The following PERP variants were observed in gnomAD, a reference collection of about 807,000 sequenced individuals.
PERP encodes p53 apoptosis effector related to PMP22, also known as p53 apoptosis effector related to PMP-22.
Under a neutral mutation model 20.3 loss-of-function variants are expected in PERP, and 11 were observed. The observed-to-expected ratio is 0.54, with a 90% CI of 0.34 to 0.90. The LOEUF (loss-of-function observed/expected upper bound fraction) is 0.90, where lower values mean the gene tolerates loss of function less well. Among genes scored for constraint, PERP ranks in the 40% least tolerant of loss-of-function variants. The probability of loss-of-function intolerance (pLI) is 0.02; values close to 1 mark genes in which losing one functional copy is unlikely to be tolerated. For synonymous variants in PERP, 101 were observed against 102.0 expected, an observed-to-expected ratio of 0.99 and a Z score of 0.06; for missense variants, 224 against 249.4, an observed-to-expected ratio of 0.90 and a Z score of 0.69.
chr6:138,096,968 T>C (rs904844331), intron 1 of PERP, among the ~76,000 whole-genome samples: 1 of 152,312 alleles, frequency 6.6e-6, no homozygotes, highest in African/African-American at 2.4e-5. Flanking sequence ...GCAAAAATAA[T>C]CATTGAAAAA....
At chr6:138,103,123 C>T (rs1401675706) in intron 1 of PERP, among the ~76,000 whole-genome samples, 7 of 151,144 alleles carry the variant, frequency 4.6e-5, no homozygotes, top group African/African-American at 1.7e-4. Context: ...AATCTGTCTG[C>T]TAATGCCTAA....
chr6:138,098,566 G>A (rs375311678), intron 1 of PERP, among the ~76,000 whole-genome samples: 16 of 151,948 alleles, frequency 1.1e-4, no homozygotes, highest in East Asian at 5.8e-4. Context: ...TTCTACATTC[G>A]CAAGGTTCTG....
At chr6:138,094,120 A>G (rs1775636813) in intron 2 of PERP, among the ~76,000 whole-genome samples, 1 of 152,178 alleles carries the variant, frequency 6.6e-6, no homozygotes, top group African/African-American at 2.4e-5. Context: ...GATATTTTTT[A>G]TTCTGGTAAA....
chr6:138,107,154 C>G lies in PERP; in HGVS notation c.187G>C (p.Glu63Gln), dbSNP rs1218295397. ...QEGGGSGSYE[E>Q]GCQSLMEYAW... ...TACTCCATGAGGCTCTGACAGCCCT[C>G]CTCGTAGGACCCGCTGCCGCCGCCC... The change falls in exon 1 of 3, where the codon GAG becomes CAG. Residue 63 changes from glutamate to glutamine, a missense_variant. Transcript: ENST00000421351. This position sits in a 1 kb window ranked among gnomAD's most constrained non-coding sequence, Gnocchi z 4.8. The G allele has an allele frequency of 6.2e-7, 1 of 1,610,890 alleles. No homozygotes were observed. The highest frequency in any genetic ancestry group is 8.5e-7 in the Non-Finnish European group (1 of 1,179,088).
rs1350658459 is a variant in PERP at position 138,090,364 on chromosome 6, T to C, written c.*1678A>G. 1 of 151,774 alleles carries C rather than the reference T, an allele frequency of 6.6e-6. No individual in the cohort carries two copies. The highest frequency in any genetic ancestry group is 2.4e-5 in the African/African-American group (1 of 41,248). The allele number at this position is 151,774 out of a possible 1,614,324, so 9.4% of individuals were successfully genotyped here. A position where few individuals can be genotyped will look rare whatever the true frequency, so the allele number is the denominator to read the frequency against. ...TGGTGGGAAAAAAAATAACAAATGA[T>C]AAAATGGGAAGGAGGGCAAGGGGAA... On this transcript the variant is annotated 3_prime_UTR_variant, in exon 3 of 3. Coordinates refer to ENST00000421351, the MANE Select transcript of PERP (RefSeq NM_022121.5).
chr6:138,098,904 G>A (rs1228580337), intron 1 of PERP, among the ~76,000 whole-genome samples: 1 of 152,146 alleles, frequency 6.6e-6, no homozygotes, highest in African/African-American at 2.4e-5. Flanking sequence ...AGACTTGAGA[G>A]ATAAGGTTAA....
intron 1 of PERP, among the ~76,000 whole-genome samples, chr6:138,104,223 T>C (rs1463993538): frequency 6.6e-6 from 1 of 152,248 alleles, no homozygotes; most frequent in African/African-American, 2.4e-5. Context: ...ATTTTATTTA[T>C]AGGTGAAATT....
At chr6:138,105,118 G>C (rs1185571626) in intron 1 of PERP, among the ~76,000 whole-genome samples, 2 of 152,190 alleles carry the variant, frequency 1.3e-5, no homozygotes, top group Non-Finnish European at 2.9e-5. Flanking sequence ...TTTGATTCCA[G>C]ATCTTGAGCA....
chr6:138,099,896 T>C (rs1775746836), intron 1 of PERP, among the ~76,000 whole-genome samples: 1 of 152,228 alleles, frequency 6.6e-6, no homozygotes, highest in South Asian at 2.1e-4. Flanking sequence ...GTCTTGCTTA[T>C]TTAAAGTGCT....
chr6:138,105,605 T>C (rs1044516939), intron 1 of PERP, among the ~76,000 whole-genome samples: 10 of 152,224 alleles, frequency 6.6e-5, no homozygotes, highest in African/African-American at 2.2e-4. Context: ...GTTCTGCCAA[T>C]ATCCCCGCCA....
Position 138,091,836 on chromosome 6 carries a change from C to T in PERP, c.*206G>A. 3.9e-6 allele frequency: 2 copies of T among 518,722 alleles called. No individual in the cohort carries two copies. The highest frequency in any genetic ancestry group is 6.8e-6 in the Non-Finnish European group (2 of 293,034). The allele number at this position is 518,722 out of a possible 1,614,324, so 32.1% of individuals were successfully genotyped here. A position where few individuals can be genotyped will look rare whatever the true frequency, so the allele number is the denominator to read the frequency against. On this transcript the variant is annotated 3_prime_UTR_variant, in exon 3 of 3. Coordinates refer to ENST00000421351, the MANE Select transcript of PERP (RefSeq NM_022121.5). ...ATAGTATAGGTAATTAGTGAAAAGA[C>T]ACAACTTCACAAAACATAATAAAAG...
Position 138,091,613 on chromosome 6 carries a change from A to G in PERP, c.*429T>C, listed in dbSNP as rs1675369917. ...ATTTCTTTTAGAATGTTTGGTCATT[A>G]ACAACTTTTAACCTTATCTTCCTCT... is the stretch of plus-strand genomic sequence containing the variant. On this transcript the variant is annotated 3_prime_UTR_variant, in exon 3 of 3. Coordinates refer to ENST00000421351, the MANE Select transcript of PERP (RefSeq NM_022121.5). 1 of 153,026 alleles carries G rather than the reference A, an allele frequency of 6.5e-6. No homozygotes were observed. The highest frequency in any genetic ancestry group is 2.4e-5 in the African/African-American group (1 of 41,476). The allele number at this position is 153,026 out of a possible 1,614,324, so 9.5% of individuals were successfully genotyped here.
Position 138,096,448 on chromosome 6 carries a change from G to A in PERP, c.261C>T (p.Ile87=), listed in dbSNP as rs1170310846. Residue 87 remains isoleucine, a synonymous_variant, in exon 2 of 3, where the codon ATC becomes ATT. Coordinates refer to ENST00000421351, the MANE Select transcript of PERP (RefSeq NM_022121.5). ...AAAMLFCGFI[I]LVICFILSFF... is the part of the protein sequence containing the mutation. ...AGGAGAGGATGAAACAGATCACCAGGATGATGAAGCCACAGAAGAGCATGG... is the reference window on the plus strand; with the variant it reads ...AGGAGAGGATGAAACAGATCACCAGAATGATGAAGCCACAGAAGAGCATGG... 6.2e-7 allele frequency: 1 copy of A among 1,613,882 alleles called. No homozygotes were observed.
intron 2 of PERP, 64 bp downstream of exon 2, chr6:138,096,290 T>A (rs886756370): frequency 6.4e-7 from 1 of 1,569,660 alleles, no homozygotes; most frequent in African/African-American, 1.4e-5. Context: ...TTTGTGGAAT[T>A]GACCATTACT....
At chr6:138,099,262 A>G (rs1318645412) in intron 1 of PERP, among the ~76,000 whole-genome samples, 2 of 152,232 alleles carry the variant, frequency 1.3e-5, no homozygotes, top group Non-Finnish European at 2.9e-5. Context: ...GTCCTTATTA[A>G]AACAGATGCA....
rs1339822110 is a variant in PERP at position 138,089,487 on chromosome 6, G to C, written c.*2555C>G. On this transcript the variant is annotated 3_prime_UTR_variant, in exon 3 of 3. Transcript: ENST00000421351. The stretch of plus-strand genomic sequence containing the variant: ...CAGTAAGTGCCACTTAGCATGTCTG[G>C]CTACTTACAGAGTGAAATAATTGCT... 7 of 152,094 alleles carry C rather than the reference G, an allele frequency of 4.6e-5. No individual in the cohort carries two copies. Among genetic ancestry groups the C allele is most frequent in the Non-Finnish European group, 1.0e-4 (7 of 68,028 alleles). 9.4% of individuals were successfully genotyped at this position (152,094 alleles called of 1,614,324 possible).
chr6:138,091,407 GC>G lies in PERP; in HGVS notation c.*634del, dbSNP rs1458855046. Reference sequence around the variant, plus strand: ...TTAAAGGAAAGCCTTACCAACTATGGCAACAGGTTTGGACCATGAAATAGTA... The same window carrying G: ...TTAAAGGAAAGCCTTACCAACTATGGAACAGGTTTGGACCATGAAATAGTA... On this transcript the variant is annotated 3_prime_UTR_variant, in exon 3 of 3. Transcript: ENST00000421351. The G allele has an allele frequency of 6.6e-6, 1 of 152,060 alleles. No individual in the cohort carries two copies. The highest frequency in any genetic ancestry group is 2.4e-5 in the African/African-American group (1 of 41,398). The allele number at this position is 152,060 out of a possible 1,614,324, so 9.4% of individuals were successfully genotyped here.
At chr6:138,102,903 T>C (rs1362333513) in intron 1 of PERP, among the ~76,000 whole-genome samples, 1 of 151,816 alleles carries the variant, frequency 6.6e-6, no homozygotes, top group East Asian at 2.0e-4. Context: ...ATCCAGACCA[T>C]CCTGGTTAAC....
chr6:138,092,006 C>A lies in PERP; in HGVS notation c.*36G>T. 1 of 1,587,938 alleles carries A rather than the reference C, an allele frequency of 6.3e-7. No individual in the cohort carries two copies. Among genetic ancestry groups the A allele is most frequent in the South Asian group, 1.1e-5 (1 of 88,506 alleles). ...CAGTTTCTTCTTCTGGAGTCCATCT[C>A]AGCAGCAGCGATTTTCTCCCACATT... On this transcript the variant is annotated 3_prime_UTR_variant, in exon 3 of 3. Transcript: ENST00000421351.
Sources: allele counts gnomAD v4.1 joint callset (sites outside exome capture counted in the v4.1 genomes callset), GRCh38; gene constraint gnomAD v4.1.1; non-coding constraint Gnocchi (gnomAD v3.1); transcripts MANE v1.5; gene names NCBI Gene and HGNC (gene_info 2026-07-23, HGNC 2026-07-21).